The following SYNE1 variants were observed in gnomAD, a reference collection of about 807,000 sequenced individuals.
SYNE1 encodes the protein spectrin repeat containing nuclear envelope protein 1.
Under a neutral mutation model 1,111.0 loss-of-function variants are expected in SYNE1, and 616 were observed. The ratio of observed to expected loss-of-function variants is 0.55; its 90% CI spans 0.52 to 0.59. The LOEUF is 0.59. Ranked by LOEUF, SYNE1 falls within the 20% of genes least tolerant of loss-of-function variation. The pLI is 0.00. For synonymous variants in SYNE1, 3,855 were observed against 3,825.8 expected (o/e 1.01, Z -0.28); for missense variants, 10,006 against 10,417.0 (o/e 0.96, Z 1.72).
chr6:152,404,460 G>C, intron 45 of SYNE1, 146 bp from the exon 46 acceptor site: 2 of 648,820 alleles, frequency 3.1e-6, no homozygotes, highest in Non-Finnish European at 5.5e-6. Context: ...TCTGAGGGCT[G>C]TTATGATGTA....
At chr6:152,142,996 T>C (rs182879030) in intron 138 of SYNE1, among the ~76,000 whole-genome samples, 140 of 152,304 alleles carry the variant, frequency 9.2e-4, no homozygotes, top group African/African-American at 1.7e-3. Flanking sequence ...GGAAAGCAGG[T>C]AGTTCTCTAG....
chr6:152,147,875 C>G (rs1397827422), intron 137 of SYNE1, 170 bp downstream of exon 137: 9 of 665,720 alleles, frequency 1.4e-5, no homozygotes, highest in Non-Finnish European at 2.3e-5. Flanking sequence ...AACGGCCACA[C>G]CAAATTTTGC....
At chr6:152,201,302 A>C (rs2075370581) in intron 127 of SYNE1, among the ~76,000 whole-genome samples, 1 of 152,044 alleles carries the variant, frequency 6.6e-6, no homozygotes, top group Non-Finnish European at 1.5e-5. Context: ...TACCATTTGA[A>C]GTGTTGATCA....
At chr6:152,407,305 A>G (rs1219117892) in intron 44 of SYNE1, 109 bp from the exon 45 acceptor site, 2 of 1,065,640 alleles carry the variant, frequency 1.9e-6, no homozygotes, top group African/African-American at 3.1e-5. Context: ...TCTGACGGAC[A>G]AACAGTTCCA....
chr6:152,419,777 A>G, intron 39 of SYNE1, 55 bp from the exon 40 acceptor site: 1 of 1,594,588 alleles, frequency 6.3e-7, no homozygotes, highest in South Asian at 1.1e-5. Context: ...AGAAAGGATT[A>G]ATGATGTATT....
intron 63 of SYNE1, among the ~76,000 whole-genome samples, chr6:152,363,388 A>G (rs886337657): frequency 2.6e-4 from 39 of 150,076 alleles, no homozygotes; most frequent in East Asian, 6.1e-4. Context: ...CAGCTACTCG[A>G]GAGGCTGAGG....
chr6:152,402,775 CAGAGAGAGAG>C (rs35543666), intron 46 of SYNE1: 1 of 150,378 alleles, frequency 6.6e-6, no homozygotes, highest in Non-Finnish European at 1.5e-5. Context: ...GAGAGAGAAA[CAGAGAGAGAG>C]AGAGAGAGAA....
At position 152,350,216 on chromosome 6, in the gene SYNE1, CAGG is replaced by C. The variant is rs755307544; in HGVS notation, c.11850_11852del (p.Leu3951del). 1 of 1,614,014 alleles carries C rather than the reference CAGG, an allele frequency of 6.2e-7. No homozygotes were observed. Among genetic ancestry groups the C allele is most frequent in the Non-Finnish European group, 8.5e-7 (1 of 1,180,034 alleles). Reference sequence around the variant, plus strand: ...TGATTGTCTCCAGGCTGCTTGTCTCCAGGAGGTCAGGTGCCACCAGTCTGCCAG... The same window carrying C: ...TGATTGTCTCCAGGCTGCTTGTCTCCAGGTCAGGTGCCACCAGTCTGCCAG... On this transcript the variant is annotated inframe_deletion, in exon 72 of 146. Coordinates refer to ENST00000367255, the MANE Select transcript of SYNE1 (RefSeq NM_182961.4).
intron 78 of SYNE1, among the ~76,000 whole-genome samples, chr6:152,328,901 G>A (rs563266283): frequency 6.6e-6 from 1 of 152,094 alleles, no homozygotes; most frequent in Admixed American, 6.5e-5. Context: ...CCCCACAGAG[G>A]GGGTGAAGAG....
intron 34 of SYNE1, among the ~76,000 whole-genome samples, chr6:152,433,133 A>G (rs1395154856): frequency 6.6e-6 from 1 of 152,080 alleles, no homozygotes; most frequent in Non-Finnish European, 1.5e-5. Flanking sequence ...TGAATTTTGA[A>G]AATGTGTGGT....
At chr6:152,397,636 T>C (rs2097756240) in intron 49 of SYNE1, among the ~76,000 whole-genome samples, 1 of 152,194 alleles carries the variant, frequency 6.6e-6, no homozygotes, top group Non-Finnish European at 1.5e-5. Flanking sequence ...ACTTCTAATC[T>C]AATGAATTTT....
chr6:152,175,414 G>A lies in SYNE1; in HGVS notation c.23627+980C>T, dbSNP rs182554281. 5.3e-5 allele frequency among the ~76,000 whole-genome samples: 8 copies of A among 152,286 alleles called. No homozygotes were observed. The East Asian group carries it at 1.3e-3, about 26-fold the overall frequency. ...TGGTACGCAGAGGACATTGTTTCAC[G>A]TCCACTTTTATGCAGCACGGCTAAG... is the stretch of plus-strand genomic sequence containing the variant. On this transcript the variant is annotated intron_variant, in intron 130 of 145. Coordinates refer to ENST00000367255, the MANE Select transcript of SYNE1 (RefSeq NM_182961.4).
chr6:152,520,594 TGTTA>T lies in SYNE1; in HGVS notation c.226-56_226-53del, dbSNP rs761225118. Reference sequence around the variant, plus strand: ...ATGAGACAAAATCTGCATATTAAAATGTTAGTTATAAGATCTATTTAAATGGATT... The same window carrying T: ...ATGAGACAAAATCTGCATATTAAAATGTTATAAGATCTATTTAAATGGATT... On this transcript the variant is annotated intron_variant, in intron 5 of 145. Transcript: ENST00000367255. The T allele has an allele frequency of 1.1e-5, 17 of 1,577,040 alleles. No individual in the cohort carries two copies. In the East Asian group the frequency reaches 3.8e-4, roughly 35 times the overall value.
chr6:152,408,231 A>G (rs2097935056), intron 44 of SYNE1, among the ~76,000 whole-genome samples: 2 of 152,232 alleles, frequency 1.3e-5, no homozygotes, highest in Non-Finnish European at 2.9e-5. Flanking sequence ...AGAATCACTG[A>G]ATTTTTTAGC....
Position 152,416,793 on chromosome 6 carries a change from C to A in SYNE1, c.5644G>T (p.Gly1882Cys), listed in dbSNP as rs747706541. ...EFLQSHASLS[G>C]ILRQLRQTVE... is the part of the protein sequence containing the mutation. ...GTTTGCCTCAGCTGGCGGAGAATGC[C>A]GGACAGAGAGGCATGGCTCTGGAGG... The change falls in exon 41 of 146, where the codon GGC (glycine) becomes TGC (cysteine). Residue 1882 changes from glycine to cysteine, a missense_variant. By Grantham distance (159) the Gly-to-Cys change is radical. Around this residue, in one of 7 missense-constraint regions of SYNE1, gnomAD observed 4,955 missense variants for 5,017.2 expected, o/e 0.99. Transcript: ENST00000367255. 62 of 1,614,022 alleles carry A rather than the reference C, an allele frequency of 3.8e-5. No individual in the cohort carries two copies. Among genetic ancestry groups the A allele is most frequent in the Non-Finnish European group, 4.9e-5 (58 of 1,180,058 alleles).
intron 3 of SYNE1, among the ~76,000 whole-genome samples, chr6:152,625,311 A>G (rs1345445011): frequency 6.6e-6 from 1 of 152,150 alleles, no homozygotes; most frequent in Non-Finnish European, 1.5e-5. Flanking sequence ...GCATTAGTAA[A>G]TATGCACAGT....
At chr6:152,484,170 C>T (rs1381132984) in intron 13 of SYNE1, among the ~76,000 whole-genome samples, 1 of 151,846 alleles carries the variant, frequency 6.6e-6, no homozygotes, top group South Asian at 2.1e-4. Flanking sequence ...TGTGATTGTG[C>T]CACTGCACTT....
intron 144 of SYNE1, 66 bp from the exon 145 acceptor site, chr6:152,130,844 C>G (rs1018239633): frequency 7.2e-6 from 11 of 1,535,400 alleles, no homozygotes; most frequent in Non-Finnish European, 9.9e-6. Flanking sequence ...AGACAAGCTA[C>G]TAATGAAAAT....
Position 152,451,089 on chromosome 6 carries a change from C to G in SYNE1, c.3144G>C (p.Leu1048=). 1 of 1,614,178 alleles carries G rather than the reference C, an allele frequency of 6.2e-7. No individual in the cohort carries two copies. ...CRTELDRETK[L]MPQEGSEKII... is the part of the protein sequence containing the mutation. Reference sequence around the variant, plus strand: ...TCTTTTCACTGCCTTCCTGGGGCATCAGCTTGGTCTCTCGATCCAGCTCAG... The same window carrying G: ...TCTTTTCACTGCCTTCCTGGGGCATGAGCTTGGTCTCTCGATCCAGCTCAG... The change falls in exon 26 of 146, where the codon CTG becomes CTC. Residue 1048 remains leucine, a synonymous_variant. Coordinates refer to ENST00000367255, the MANE Select transcript of SYNE1 (RefSeq NM_182961.4).
Sources: gnomAD v4.1 joint callset for allele counts (sites outside exome capture counted in the v4.1 genomes callset) on GRCh38, gnomAD v4.1.1 for gene constraint, gnomAD v4.1.1 regional missense constraint, MANE v1.5 for transcripts, NCBI Gene and HGNC (gene_info 2026-07-23, HGNC 2026-07-21) for gene names.